Variants in UGT1A6 observed in about 807,000 individuals in gnomAD.
The protein encoded by UGT1A6 is UDP-glucuronosyltransferase 1A6.
Under a neutral mutation model 44.4 loss-of-function variants are expected in UGT1A6, and 32 were observed. That is an observed-to-expected ratio of 0.72 (90% CI 0.54 to 0.97). The LOEUF is 0.97. UGT1A6 is among the 50% of genes least tolerant of loss of function. UGT1A6 has a pLI of 0.00. For synonymous variants in UGT1A6, 238 were observed against 248.5 expected, an observed-to-expected ratio of 0.96 and a Z score of 0.40; for missense variants, 685 against 661.9, an observed-to-expected ratio of 1.03 and a Z score of -0.38.
At chr2:233,768,117 T>G in intron 3 of UGT1A6, 103 bp from the exon 4 acceptor site, 1 of 1,600,038 alleles carries the variant, frequency 6.2e-7, no homozygotes, top group Non-Finnish European at 8.5e-7. Context: ...TGCAAGGGCA[T>G]GTGAGTAACA....
chr2:233,725,428 A>G (rs1391321502), intron 1 of UGT1A6, among the ~76,000 whole-genome samples: 1 of 151,952 alleles, frequency 6.6e-6, no homozygotes, highest in Non-Finnish European at 1.5e-5. Flanking sequence ...CAATAGAAAT[A>G]TAATGTAAGC....
At chr2:233,766,402 C>T (rs1334615620) in intron 1 of UGT1A6, among the ~76,000 whole-genome samples, 1 of 152,212 alleles carries the variant, frequency 6.6e-6, no homozygotes, top group African/African-American at 2.4e-5. Context: ...TTGCGTCCCT[C>T]CGCTGATGTG....
At chr2:233,742,766 G>T (rs1363291568) in intron 1 of UGT1A6, 4 of 152,980 alleles carry the variant, frequency 2.6e-5, no homozygotes, top group African/African-American at 9.7e-5. Context: ...GATAATAAAT[G>T]CATGTTGTTT....
chr2:233,732,212 T>G (rs2078250632), intron 1 of UGT1A6, among the ~76,000 whole-genome samples: 1 of 152,238 alleles, frequency 6.6e-6, no homozygotes. Flanking sequence ...ATGGGTAGAT[T>G]GCAAAAATTT....
chr2:233,724,297 C>A (rs2077212322), intron 1 of UGT1A6, among the ~76,000 whole-genome samples: 2 of 146,144 alleles, frequency 1.4e-5, no homozygotes, highest in South Asian at 4.7e-4. Flanking sequence ...GCTGACCCCC[C>A]CACCTCCCTC....
Position 233,706,374 on chromosome 2 carries a change from CAAA to C in UGT1A6, c.861+12511_861+12513del, listed in dbSNP as rs1263294962. ...CATTCTTCCAATTTAGGCCATTGTA[CAAA>C]AGCAGAGGCCAAGTACATTTACCAC... On this transcript the variant is annotated intron_variant, in intron 1 of 4. Transcript: ENST00000305139. Among the ~76,000 whole-genome samples the C allele has an allele frequency of 2.6e-5, 4 of 152,296 alleles. No individual in the cohort carries two copies. In the East Asian group the frequency reaches 7.7e-4, roughly 29 times the overall value.
chr2:233,769,853 G>A lies in UGT1A6; in HGVS notation c.1301+1414G>A. 2 of 388,620 alleles carry A rather than the reference G, an allele frequency of 5.1e-6. No homozygotes were observed. The highest frequency in any genetic ancestry group is 7.0e-5 in the South Asian group (1 of 14,300). The allele number at this position is 388,620 out of a possible 1,614,324, so 24.1% of individuals were successfully genotyped here. A position where few individuals can be genotyped will look rare whatever the true frequency, so the allele number is the denominator to read the frequency against. ...AACCTGGGCAACAGAGTGAGACCCT[G>A]TCTCAAAAAAAAAAAAAAAAATGAA... is the stretch of plus-strand genomic sequence containing the variant. On this transcript the variant is annotated intron_variant, in intron 4 of 4. Transcript: ENST00000305139. This position sits in a 1 kb window ranked among gnomAD's most constrained non-coding sequence, Gnocchi z 4.4.
At chr2:233,715,992 A>G (rs1463123086) in intron 1 of UGT1A6, among the ~76,000 whole-genome samples, 2 of 152,168 alleles carry the variant, frequency 1.3e-5, no homozygotes, top group African/African-American at 2.4e-5. Flanking sequence ...AAACACAACA[A>G]AACCCAAAAT....
In UGT1A6 at chr2:233,744,657, C is replaced by T. The variant is rs1019492138; in HGVS notation, c.862-22377C>T. Among the ~76,000 whole-genome samples the T allele has an allele frequency of 2.6e-3, 395 of 152,040 alleles. 3 individuals carry two copies. The highest frequency in any genetic ancestry group is 6.8e-3 in the Middle Eastern group (2 of 294). The stretch of plus-strand genomic sequence containing the variant: ...CATGTCAGCTTCTGTATTCAATCTA[C>T]TGTGATATTACACATCACCCATGTA... On this transcript the variant is annotated intron_variant, in intron 1 of 4. Coordinates refer to ENST00000305139, the MANE Select transcript of UGT1A6 (RefSeq NM_001072.4).
At chr2:233,747,302 A>C (rs1182136395) in intron 1 of UGT1A6, 17 of 1,602,464 alleles carry the variant, frequency 1.1e-5, no homozygotes, top group Non-Finnish European at 1.5e-5. Flanking sequence ...GAGAGTGGGA[A>C]GGTGCTGGTG....
intron 1 of UGT1A6, among the ~76,000 whole-genome samples, chr2:233,710,469 T>C (rs2076133912): frequency 6.6e-6 from 1 of 152,238 alleles, no homozygotes; most frequent in Non-Finnish European, 1.5e-5. Context: ...AATGGGTGTG[T>C]AGTAGAATTT....
At chr2:233,761,926 C>A (rs986768651) in intron 1 of UGT1A6, among the ~76,000 whole-genome samples, 4 of 152,226 alleles carry the variant, frequency 2.6e-5, no homozygotes, top group Admixed American at 1.3e-4. Context: ...GCAGCCCAGG[C>A]ACTTCCCAGG....
At chr2:233,729,952 A>T in intron 1 of UGT1A6, 1 of 1,614,072 alleles carries the variant, frequency 6.2e-7, no homozygotes, top group South Asian at 1.1e-5. Context: ...CATGGTCTTC[A>T]TTGGGGGCAT....
intron 1 of UGT1A6, among the ~76,000 whole-genome samples, chr2:233,733,852 A>G (rs1004381201): frequency 1.3e-5 from 2 of 151,136 alleles, no homozygotes; most frequent in African/African-American, 2.4e-5. Flanking sequence ...CTCTTTTTCT[A>G]TTGATTGGAA....
chr2:233,725,324 T>TAACAA lies in UGT1A6; in HGVS notation c.861+31459_861+31460insAACAA, dbSNP rs1473131454. Among the ~76,000 whole-genome samples, 2 of 93,548 alleles carry TAACAA rather than the reference T, an allele frequency of 2.1e-5. 1 individual carries two copies. Among genetic ancestry groups the TAACAA allele is most frequent in the Non-Finnish European group, 4.5e-5 (2 of 44,118 alleles). 61.4% of individuals were successfully genotyped at this position (93,548 alleles called of 152,430 possible). A position where few individuals can be genotyped will look rare whatever the true frequency, so the allele number is the denominator to read the frequency against. ...CAGAGGCAGAGGCAGAGGCGCCTGG[T>TAACAA]CAACAATCTTAAGTCCAATAAGAAT... On this transcript the variant is annotated intron_variant, in intron 1 of 4. Coordinates refer to ENST00000305139, the MANE Select transcript of UGT1A6 (RefSeq NM_001072.4).
At chr2:233,699,792 C>G (rs1356829058) in intron 1 of UGT1A6, among the ~76,000 whole-genome samples, 1 of 152,188 alleles carries the variant, frequency 6.6e-6, no homozygotes, top group Non-Finnish European at 1.5e-5. Flanking sequence ...TTCCTCCTCT[C>G]ATATTCTGGA....
At chr2:233,743,851 C>G in intron 1 of UGT1A6, 1 of 1,367,244 alleles carries the variant, frequency 7.3e-7, no homozygotes, top group Non-Finnish European at 9.8e-7. Context: ...GCTTGCGGTA[C>G]GCCTTCTTGA....
intron 1 of UGT1A6, chr2:233,743,237 G>A: frequency 2.4e-6 from 1 of 420,010 alleles, no homozygotes; most frequent in Non-Finnish European, 4.6e-6. Context: ...TATTATGAAG[G>A]ACTTTAACTC....
intron 1 of UGT1A6, chr2:233,729,474 G>T: frequency 6.2e-7 from 1 of 1,614,208 alleles, no homozygotes. Context: ...GTATGGCAAT[G>T]TTGAACAATA....
Sources: gnomAD v4.1 joint callset for allele counts (sites outside exome capture counted in the v4.1 genomes callset) on GRCh38, gnomAD v4.1.1 for gene constraint, Gnocchi (gnomAD v3.1) non-coding constraint, MANE v1.5 for transcripts, NCBI Gene and HGNC (gene_info 2026-07-23, HGNC 2026-07-21) for gene names.